The following PARD3 variants were observed in gnomAD, a reference collection of about 807,000 sequenced individuals.
The protein encoded by PARD3 is par-3 family cell polarity regulator.
PARD3 carries 75 observed loss-of-function variants against 155.4 expected under a neutral mutation model. The ratio of observed to expected loss-of-function variants is 0.48; its 90% CI spans 0.40 to 0.58. PARD3 has a LOEUF of 0.58. Among genes scored for constraint, PARD3 ranks in the 20% least tolerant of loss-of-function variants. The pLI, the probability that PARD3 is intolerant of heterozygous loss-of-function variation, is 0.00. For synonymous variants in PARD3, 576 were observed against 610.5 expected (o/e 0.94, Z 0.83); for missense variants, 1,642 against 1,721.7 (o/e 0.95, Z 0.82).
intron 22 of PARD3, among the ~76,000 whole-genome samples, chr10:34,154,271 G>GA (rs1475613369): frequency 2.0e-5 from 3 of 152,126 alleles, no homozygotes; most frequent in African/African-American, 7.2e-5. Context: ...AGGCTTCCAT[G>GA]AAAAAAACTG....
chr10:34,640,512 G>C (rs1415837117), intron 2 of PARD3, among the ~76,000 whole-genome samples: 2 of 150,858 alleles, frequency 1.3e-5, no homozygotes, highest in Non-Finnish European at 3.0e-5. Context: ...AGCTACTCAG[G>C]GGGCCTGTCT....
At chr10:34,462,824 C>T (rs962063648) in intron 4 of PARD3, among the ~76,000 whole-genome samples, 1 of 147,910 alleles carries the variant, frequency 6.8e-6, no homozygotes, top group Non-Finnish European at 1.5e-5. Flanking sequence ...AAAGCAGAGC[C>T]AGACAGTGGC....
At chr10:34,646,316 C>T (rs2092835568) in intron 2 of PARD3, among the ~76,000 whole-genome samples, 1 of 152,192 alleles carries the variant, frequency 6.6e-6, no homozygotes, top group African/African-American at 2.4e-5. Context: ...TACTTTATTA[C>T]TGAAATTTTG....
intron 2 of PARD3, among the ~76,000 whole-genome samples, chr10:34,693,568 T>C (rs978430851): frequency 2.0e-5 from 3 of 152,168 alleles, no homozygotes; most frequent in Admixed American, 6.5e-5. Context: ...CAGGGCCTAC[T>C]TGAAGAGGGA....
chr10:34,803,758 G>A (rs560700377), intron 1 of PARD3, among the ~76,000 whole-genome samples: 5 of 151,594 alleles, frequency 3.3e-5, no homozygotes, highest in East Asian at 3.9e-4. Context: ...AGCCGAGATC[G>A]CGCCATTGCA....
In PARD3 at chr10:34,374,922, C is replaced by T. The variant is rs763771653; in HGVS notation, c.1620G>A (p.Val540=). The T allele has an allele frequency of 6.2e-7, 1 of 1,614,002 alleles. No homozygotes were observed. Among genetic ancestry groups the T allele is most frequent in the Non-Finnish European group, 8.5e-7 (1 of 1,179,894 alleles). Residue 540 remains valine, a synonymous_variant, in exon 11 of 25, where the codon GTG becomes GTA. Coordinates refer to ENST00000374788, the MANE Select transcript of PARD3 (RefSeq NM_001184785.2). ...CTTCCTGGCGAAAGACCAGAAGGCT[C>T]ACAGTTCCTTCCATCTTGGTGCTTC... ...LLRSTKMEGT[V]SLLVFRQEDA...
At chr10:34,180,327 G>A (rs71495072) in intron 22 of PARD3, among the ~76,000 whole-genome samples, 3 of 152,192 alleles carry the variant, frequency 2.0e-5, no homozygotes, top group Non-Finnish European at 4.4e-5. Flanking sequence ...TTACAGGCAT[G>A]AGCCAATGCG....
At chr10:34,216,633 T>G (rs1177740796) in intron 22 of PARD3, among the ~76,000 whole-genome samples, 1 of 152,226 alleles carries the variant, frequency 6.6e-6, no homozygotes, top group African/African-American at 2.4e-5. Context: ...GCAATTTTGC[T>G]GTTGGGTCCC....
chr10:34,547,358 C>T (rs2084166704), intron 2 of PARD3, among the ~76,000 whole-genome samples: 1 of 152,120 alleles, frequency 6.6e-6, no homozygotes, highest in Non-Finnish European at 1.5e-5. Flanking sequence ...TAAACATGAA[C>T]AATATAAACA....
intron 2 of PARD3, among the ~76,000 whole-genome samples, chr10:34,662,702 T>G (rs999038748): frequency 6.6e-6 from 1 of 152,008 alleles, no homozygotes; most frequent in Non-Finnish European, 1.5e-5. Flanking sequence ...TGAAACCCCA[T>G]CTCTACTAAA....
At chr10:34,205,723 ACCTCCTGCACTT>A (rs1382856470) in intron 22 of PARD3, among the ~76,000 whole-genome samples, 1 of 152,138 alleles carries the variant, frequency 6.6e-6, no homozygotes, top group Admixed American at 6.5e-5. Context: ...GCAGGGACTC[ACCTCCTGCACTT>A]CCTCCTGCCT....
rs1034690205 is a variant in PARD3 at position 34,284,216 on chromosome 10, A to G, written c.3095T>C (p.Ile1032Thr). 6.2e-7 allele frequency: 1 copy of G among 1,609,768 alleles called. No homozygotes were observed. Among genetic ancestry groups the G allele is most frequent in the Middle Eastern group, 1.7e-4 (1 of 6,036 alleles). Residue 1032 changes from isoleucine (I) to threonine (T), a missense_variant, in exon 21 of 25, where the codon ATT becomes ACT. Transcript: ENST00000374788. ...TATTTTTATTTTACCCGTTTTCTCA[A>G]TCTTGTCATCTTTTCGATGTTTGCC... is the stretch of plus-strand genomic sequence containing the variant. ...RFGKHRKDDK[I>T]EKTGKIKIQE...
At chr10:34,304,324 C>T (rs1957296679) in intron 20 of PARD3, among the ~76,000 whole-genome samples, 1 of 149,200 alleles carries the variant, frequency 6.7e-6, no homozygotes, top group African/African-American at 2.5e-5. Flanking sequence ...AGTGAGTCCC[C>T]ATCTCTACAA....
chr10:34,784,823 T>C (rs184511825), intron 1 of PARD3, among the ~76,000 whole-genome samples: 48 of 152,288 alleles, frequency 3.2e-4, no homozygotes, highest in African/African-American at 1.1e-3. Flanking sequence ...GAAAGTTAAA[T>C]ATCCTCACAC....
intron 2 of PARD3, among the ~76,000 whole-genome samples, chr10:34,673,932 C>T (rs1449964236): frequency 1.3e-5 from 2 of 148,324 alleles, no homozygotes; most frequent in East Asian, 3.9e-4. Context: ...CTGCAGTGAG[C>T]CAAGATCGTG....
intron 20 of PARD3, among the ~76,000 whole-genome samples, chr10:34,310,614 G>A (rs1957651423): frequency 6.6e-6 from 1 of 152,156 alleles, no homozygotes; most frequent in South Asian, 2.1e-4. Flanking sequence ...ATTCAGCCTG[G>A]GCGCTGTGGA....
chr10:34,650,713 A>G (rs2092983674), intron 2 of PARD3, among the ~76,000 whole-genome samples: 1 of 152,188 alleles, frequency 6.6e-6, no homozygotes, highest in Non-Finnish European at 1.5e-5. Context: ...CAAAAAGTGC[A>G]AAAAGAAACA....
chr10:34,708,591 T>C (rs1307607488), intron 1 of PARD3, among the ~76,000 whole-genome samples: 1 of 152,192 alleles, frequency 6.6e-6, no homozygotes, highest in African/African-American at 2.4e-5. Context: ...TTTATGTTTA[T>C]AGAGATAGAA....
intron 2 of PARD3, among the ~76,000 whole-genome samples, chr10:34,665,855 C>T (rs113182524): frequency 7.5e-6 from 1 of 132,984 alleles, no homozygotes; most frequent in African/African-American, 3.2e-5. Flanking sequence ...CAGAACAGAA[C>T]AGAACAGAAC....
Sources: gnomAD v4.1 joint callset for allele counts (sites outside exome capture counted in the v4.1 genomes callset) on GRCh38, gnomAD v4.1.1 for gene constraint, MANE v1.5 for transcripts, NCBI Gene and HGNC (gene_info 2026-07-23, HGNC 2026-07-21) for gene names.